The following NFKBID variants were observed in gnomAD, a reference collection of about 807,000 sequenced individuals.
NFKBID encodes NF-kappa-B inhibitor delta.
In NFKBID, 26 loss-of-function variants were observed where a neutral mutation model predicts 53.4. The ratio of observed to expected loss-of-function variants is 0.49; its 90% CI spans 0.36 to 0.68. The LOEUF (loss-of-function observed/expected upper bound fraction) is 0.68, where lower values mean the gene tolerates loss of function less well. Ranked by LOEUF, NFKBID falls within the 30% of genes least tolerant of loss-of-function variation. The pLI, the probability that NFKBID is intolerant of heterozygous loss-of-function variation, is 0.00. For synonymous variants in NFKBID, 262 were observed against 259.8 expected (o/e 1.01, Z -0.08); for missense variants, 493 against 614.1 (o/e 0.80, Z 2.08).
exon 3 of NFKBID, chr19:35,898,473 A>T: frequency 6.5e-7 from 1 of 1,531,340 alleles, no homozygotes. Context: ...AGAACTTACC[A>T]GTCACAGCCT....
At chr19:35,899,210 A>T (rs1302447239) in intron 1 of NFKBID, among the ~76,000 whole-genome samples, 3 of 152,094 alleles carry the variant, frequency 2.0e-5, no homozygotes, top group Non-Finnish European at 2.9e-5. Flanking sequence ...ACTCACATCC[A>T]GGTTCCCAAC....
At chr19:35,888,357 C>T (rs1420862595) in exon 12 of NFKBID, 4 of 563,716 alleles carry the variant, frequency 7.1e-6, no homozygotes, top group Non-Finnish European at 1.3e-5. Context: ...AAGAGGGCTC[C>T]TTGTGGGTAG....
At chr19:35,900,004 C>G (rs941839573) in intron 1 of NFKBID, among the ~76,000 whole-genome samples, 3 of 149,876 alleles carry the variant, frequency 2.0e-5, no homozygotes, top group Non-Finnish European at 3.0e-5. Context: ...AGGGTCACCG[C>G]CAGCGTAGAC....
At chr19:35,889,491 C>T (rs1034546772) in intron 11 of NFKBID, among the ~76,000 whole-genome samples, 1 of 152,016 alleles carries the variant, frequency 6.6e-6, no homozygotes, top group African/African-American at 2.4e-5. Flanking sequence ...TGGGGGTTCC[C>T]ACCTGGGGGT....
At chr19:35,897,382 G>A in intron 4 of NFKBID, 1 of 554,692 alleles carries the variant, frequency 1.8e-6, no homozygotes, top group Admixed American at 3.3e-5. Context: ...AGCCTCCCGA[G>A]TAGCTAGGAT....
intron 2 of NFKBID, 58 bp downstream of exon 2, chr19:35,898,661 G>A (rs1599626371): frequency 6.8e-7 from 1 of 1,476,536 alleles, no homozygotes; most frequent in Non-Finnish European, 9.1e-7. Context: ...CCGGCAAGCC[G>A]CTGAGTCCCT....
chr19:35,898,728 G>T, exon 2 of NFKBID: 1 of 1,535,844 alleles, frequency 6.5e-7, no homozygotes. Context: ...CCTGCACCCC[G>T]CCAGCGTCGG....
chr19:35,901,060 T>A (rs8111740), upstream of NFKBID, among the ~76,000 whole-genome samples: 10,862 of 152,068 alleles, frequency 0.071, 923 homozygotes, highest in African/African-American at 0.21. Flanking sequence ...CTCGAACTCC[T>A]GGCCTCAGGT....
rs757461115 is a variant in NFKBID at position 35,896,048 on chromosome 19, T to C, written c.964A>G (p.Thr322Ala). The stretch of plus-strand genomic sequence containing the variant: ...CAATCCAGCCTGTCTCGGGCCTGTG[T>C]GCTCAGCACCCGGGGACAGAGGTCG... The change falls in exon 9 of 12, where the codon ACA becomes GCA. Residue 322 changes from threonine to alanine, a missense_variant. Around this residue, in one of 2 missense-constraint regions of NFKBID, gnomAD observed 267 missense variants for 384.6 expected, o/e 0.69. Coordinates refer to ENST00000641389, the Ensembl canonical transcript of NFKBID. This position sits in a 1 kb window ranked among gnomAD's most constrained non-coding sequence, Gnocchi z 5.7. 1 of 1,614,198 alleles carries C rather than the reference T, an allele frequency of 6.2e-7. No individual in the cohort carries two copies. Among genetic ancestry groups the C allele is most frequent in the South Asian group, 1.1e-5 (1 of 91,086 alleles).
intron 4 of NFKBID, chr19:35,897,444 A>G (rs1975258580): frequency 1.6e-6 from 1 of 607,940 alleles, no homozygotes; most frequent in Admixed American, 2.9e-5. Context: ...TGGTTTCACC[A>G]TGTTGGCCAA....
chr19:35,888,706 G>A, intron 11 of NFKBID, 94 bp from the exon 12 acceptor site: 2 of 885,034 alleles, frequency 2.3e-6, no homozygotes, highest in South Asian at 1.4e-5. Flanking sequence ...AGAGAAGAGA[G>A]GTTGAGTGGG....
intron 9 of NFKBID, among the ~76,000 whole-genome samples, chr19:35,895,424 T>C (rs1275285234): frequency 8.0e-6 from 1 of 124,574 alleles, no homozygotes; most frequent in Non-Finnish European, 1.7e-5. Context: ...GGAGGCAGAG[T>C]TTGCCATGAG....
At position 35,897,059 on chromosome 19, in the gene NFKBID, C is replaced by G; in HGVS notation, c.433-1G>C. On this transcript the variant is annotated splice_acceptor_variant, in intron 4 of 11. Coordinates refer to ENST00000641389, the Ensembl canonical transcript of NFKBID. LOFTEE classifies it high-confidence loss of function. Reference sequence around the variant, plus strand: ...GTGCAGAAACTCTCCAGGGTCCAGCCTGTGGCAGAGAAGATCCTACATAGA... The same window carrying G: ...GTGCAGAAACTCTCCAGGGTCCAGCGTGTGGCAGAGAAGATCCTACATAGA... The G allele has an allele frequency of 6.3e-7, 1 of 1,599,586 alleles. No individual in the cohort carries two copies.
At chr19:35,889,780 T>C (rs1270563924) in intron 11 of NFKBID, 110 bp downstream of exon 11, 1 of 1,186,786 alleles carries the variant, frequency 8.4e-7, no homozygotes, top group Non-Finnish European at 1.2e-6. Flanking sequence ...GAAGTCACCT[T>C]CCGAGATTAG....
intron 9 of NFKBID, 109 bp downstream of exon 9, chr19:35,895,871 C>T: frequency 1.1e-6 from 1 of 947,142 alleles, no homozygotes. Flanking sequence ...TGTTCAAGGG[C>T]ACGCAGCAAG....
chr19:35,896,284 A>G lies in NFKBID; in HGVS notation c.832-15T>C. ...TTAAGCACAGCCTGGGAGGAAGAGA[A>G]GGCAGACTGCTGGGTAAGGGTATCC... On this transcript the variant is annotated splice_polypyrimidine_tract_variant and intron_variant, in intron 7 of 11. Transcript: ENST00000641389. The surrounding 1 kb of genome is among the most constrained non-coding windows in gnomAD (Gnocchi z 5.7). 1 of 1,614,172 alleles carries G rather than the reference A, an allele frequency of 6.2e-7. No homozygotes were observed. Among genetic ancestry groups the G allele is most frequent in the Non-Finnish European group, 8.5e-7 (1 of 1,180,006 alleles).
Position 35,896,355 on chromosome 19 carries a change from C to A in NFKBID, c.831+37G>T, listed in dbSNP as rs567467896. 2.5e-6 allele frequency: 4 copies of A among 1,613,830 alleles called. No homozygotes were observed. In the South Asian group the frequency reaches 3.3e-5, roughly 13 times the overall value. On this transcript the variant is annotated intron_variant, in intron 7 of 11. Coordinates refer to ENST00000641389, the Ensembl canonical transcript of NFKBID. The surrounding 1 kb of genome is among the most constrained non-coding windows in gnomAD (Gnocchi z 5.7). ...AGCCAAAATCTGGGCAACCAGTCTACCCCCCAGACAAACCCCTGCCTGCCA... is the reference window on the plus strand; with the variant it reads ...AGCCAAAATCTGGGCAACCAGTCTAACCCCCAGACAAACCCCTGCCTGCCA...
chr19:35,892,226 A>ATT (rs201807502), intron 9 of NFKBID, among the ~76,000 whole-genome samples: 1 of 150,970 alleles, frequency 6.6e-6, no homozygotes, highest in African/African-American at 2.4e-5. Flanking sequence ...TAATTTTTGT[A>ATT]TTTTTTTTAG....
chr19:35,894,141 C>A (rs1235107035), intron 9 of NFKBID, among the ~76,000 whole-genome samples: 2 of 151,734 alleles, frequency 1.3e-5, no homozygotes, highest in Non-Finnish European at 2.9e-5. Context: ...TGCCTGTAGT[C>A]CCAGTTACTC....
Sources: gnomAD v4.1 joint callset for allele counts (sites outside exome capture counted in the v4.1 genomes callset) on GRCh38, gnomAD v4.1.1 for gene constraint, gnomAD v4.1.1 regional missense constraint, Gnocchi (gnomAD v3.1) non-coding constraint, MANE v1.5 for transcripts, NCBI Gene and HGNC (gene_info 2026-07-23, HGNC 2026-07-21) for gene names.